WDR17: variants seen among roughly 807,000 people sequenced by gnomAD.
WDR17 encodes the protein WD repeat-containing protein 17.
A neutral mutation model predicts 161.7 loss-of-function variants in WDR17; 143 were observed. That is an observed-to-expected ratio of 0.88 (90% CI 0.77 to 1.02). WDR17 has a LOEUF of 1.02. Ranked by LOEUF, WDR17 falls within the 50% of genes least tolerant of loss-of-function variation. The pLI, the probability that WDR17 is intolerant of heterozygous loss-of-function variation, is 0.00. For missense variants in WDR17, 1,469 were observed against 1,520.9 expected, an observed-to-expected ratio of 0.97 and a Z score of 0.57; for synonymous variants, 517 against 515.6, an observed-to-expected ratio of 1.00 and a Z score of -0.04.
At chr4:176,073,894 A>G (rs929951596) in intron 1 of WDR17, among the ~76,000 whole-genome samples, 9 of 150,584 alleles carry the variant, frequency 6.0e-5, no homozygotes, top group African/African-American at 2.2e-4. Context: ...TTGGCTGCAT[A>G]AATGTCTTCT....
chr4:176,100,197 A>G (rs1737593464), intron 1 of WDR17, among the ~76,000 whole-genome samples: 1 of 152,164 alleles, frequency 6.6e-6, no homozygotes, highest in South Asian at 2.1e-4. Flanking sequence ...TTTCATTCCC[A>G]CCAACAGTGT....
At chr4:176,152,029 A>G (rs1291410018) in intron 17 of WDR17, 62 bp downstream of exon 17, 2 of 1,501,124 alleles carry the variant, frequency 1.3e-6, no homozygotes, top group Admixed American at 4.6e-5. Flanking sequence ...TTAAGAATAT[A>G]CTCAATTTTA....
intron 1 of WDR17, among the ~76,000 whole-genome samples, chr4:176,079,355 T>C (rs1304569162): frequency 6.6e-6 from 1 of 152,156 alleles, no homozygotes; most frequent in Non-Finnish European, 1.5e-5. Flanking sequence ...ATCTTTTGGA[T>C]GTTCTGATTT....
At chr4:176,173,717 A>T (rs1345481714) in intron 25 of WDR17, among the ~76,000 whole-genome samples, 1 of 151,824 alleles carries the variant, frequency 6.6e-6, no homozygotes, top group East Asian at 1.9e-4. Flanking sequence ...GGGTTTTACC[A>T]TGTTGGCCAG....
At chr4:176,153,076 TCACCTCA>T (rs1747488092) in intron 17 of WDR17, among the ~76,000 whole-genome samples, 1 of 152,196 alleles carries the variant, frequency 6.6e-6, no homozygotes, top group Non-Finnish European at 1.5e-5. Context: ...TATGCATGTC[TCACCTCA>T]GACCTACAGA....
Position 176,119,868 on chromosome 4 carries a change from G to A in WDR17, c.309G>A (p.Gly103=). ...GTATCTGTATTTAATGTATTCCAGG[G>A]ATCCCTGCTTCTCTTAGTTGGTGCT... ...KVIAKLDSTK[G]IPASLSWCWN... The change falls in exon 4 of 29, where the codon GGG becomes GGA. Residue 103 remains glycine (G), a splice_region_variant and synonymous_variant. Coordinates refer to ENST00000508596, the MANE Select transcript of WDR17 (RefSeq NM_181265.4). 2 of 1,613,590 alleles carry A rather than the reference G, an allele frequency of 1.2e-6. No homozygotes were observed. The highest frequency in any genetic ancestry group is 1.7e-6 in the Non-Finnish European group (2 of 1,179,556).
Position 176,139,857 on chromosome 4 carries a change from A to C in WDR17, c.1360-35A>C, listed in dbSNP as rs1253461497. 2.6e-6 allele frequency: 4 copies of C among 1,528,380 alleles called. No homozygotes were observed. In the Admixed American group the frequency reaches 7.4e-5, roughly 28 times the overall value. The allele number at this position is 1,528,380 out of a possible 1,614,324, so 94.7% of individuals were successfully genotyped here. Reference sequence around the variant, plus strand: ...ATATAAGAGAAAAAAGGGGTGAATTATTTCTTATTGATAGGTATTTTACAT... The same window carrying C: ...ATATAAGAGAAAAAAGGGGTGAATTCTTTCTTATTGATAGGTATTTTACAT... On this transcript the variant is annotated intron_variant, in intron 9 of 28. Transcript: ENST00000508596.
At chr4:176,118,574 A>G (rs1165688214) in intron 3 of WDR17, among the ~76,000 whole-genome samples, 1 of 152,118 alleles carries the variant, frequency 6.6e-6, no homozygotes, top group African/African-American at 2.4e-5. Context: ...CTTACTGTCA[A>G]TCAGCGAATT....
intron 1 of WDR17, among the ~76,000 whole-genome samples, chr4:176,106,746 G>C (rs1167831780): frequency 6.6e-6 from 1 of 152,178 alleles, no homozygotes; most frequent in Non-Finnish European, 1.5e-5. Context: ...TTGAGGCCAG[G>C]AGTTCGAGAC....
At chr4:176,173,516 T>C (rs1751039747) in intron 25 of WDR17, 147 bp downstream of exon 25, 2 of 550,964 alleles carry the variant, frequency 3.6e-6, no homozygotes, top group Admixed American at 3.6e-5. Context: ...GTTTGTTATA[T>C]ATTTTTTTTC....
Position 176,137,582 on chromosome 4 carries a change from A to C in WDR17, c.1330A>C (p.Lys444Gln). ...TGGTGCTTTTATTTGGAATGTTCAA[A>C]AGGGCAAAATTATACAACGATTTAA... is the stretch of plus-strand genomic sequence containing the variant. ...RNGAFIWNVQ[K>Q]GKIIQRFNEH... Residue 444 changes from lysine to glutamine, a missense_variant, in exon 9 of 29, where the codon AAG becomes CAG. Physicochemically the swap from Lys to Gln is moderately conservative, Grantham distance 53 (BLOSUM62 1). Coordinates refer to ENST00000508596, the MANE Select transcript of WDR17 (RefSeq NM_181265.4). The C allele has an allele frequency of 6.3e-7, 1 of 1,597,924 alleles. No homozygotes were observed. Among genetic ancestry groups the C allele is most frequent in the South Asian group, 1.1e-5 (1 of 88,416 alleles).
At chr4:176,068,580 C>T (rs191749628) in intron 1 of WDR17, among the ~76,000 whole-genome samples, 15 of 151,572 alleles carry the variant, frequency 9.9e-5, no homozygotes, top group South Asian at 2.1e-4. Flanking sequence ...CCAGCCTGGG[C>T]GACAGAGCAA....
At chr4:176,169,222 A>G (rs896541799) in intron 23 of WDR17, among the ~76,000 whole-genome samples, 6 of 152,210 alleles carry the variant, frequency 3.9e-5, no homozygotes, top group Non-Finnish European at 5.9e-5. Flanking sequence ...AATTAATGAA[A>G]TATAATGAAA....
At chr4:176,105,803 G>A (rs1373809829) in intron 1 of WDR17, among the ~76,000 whole-genome samples, 2 of 151,228 alleles carry the variant, frequency 1.3e-5, no homozygotes, top group East Asian at 1.9e-4. Context: ...ACAACTTAAG[G>A]AACTAACAAA....
intron 9 of WDR17, among the ~76,000 whole-genome samples, chr4:176,139,558 G>A (rs1013627617): frequency 4.0e-5 from 6 of 151,864 alleles, no homozygotes; most frequent in African/African-American, 1.4e-4. Flanking sequence ...CACCATACTG[G>A]TACTCATGGG....
At chr4:176,068,320 C>T (rs1293220801) in intron 1 of WDR17, 8 of 152,172 alleles carry the variant, frequency 5.3e-5, no homozygotes, top group African/African-American at 1.9e-4. Flanking sequence ...TGAGGATAGG[C>T]TGCGTGCGGT....
intron 18 of WDR17, among the ~76,000 whole-genome samples, chr4:176,157,649 G>A (rs1748368320): frequency 6.6e-6 from 1 of 152,270 alleles, no homozygotes; most frequent in Admixed American, 6.5e-5. Context: ...AAACTTAATG[G>A]ATTTCCATTT....
intron 1 of WDR17, among the ~76,000 whole-genome samples, chr4:176,092,363 T>C (rs533775344): frequency 1.3e-5 from 2 of 152,172 alleles, no homozygotes; most frequent in Admixed American, 6.5e-5. Context: ...TTTCAATTGA[T>C]GCTGAAAAAG....
intron 23 of WDR17, among the ~76,000 whole-genome samples, chr4:176,170,803 A>C (rs1416315311): frequency 1.3e-5 from 2 of 152,256 alleles, no homozygotes; most frequent in Admixed American, 6.5e-5. Flanking sequence ...GAGTATGTGT[A>C]AAAGTGTTAA....
Sources: allele counts gnomAD v4.1 joint callset (sites outside exome capture counted in the v4.1 genomes callset), GRCh38; gene constraint gnomAD v4.1.1; transcripts MANE v1.5; gene names NCBI Gene and HGNC (gene_info 2026-07-23, HGNC 2026-07-21).